The following HLCS variants were observed in gnomAD, a reference collection of about 807,000 sequenced individuals.
HLCS encodes biotin--protein ligase.
HLCS carries 53 observed loss-of-function variants against 75.0 expected under a neutral mutation model. The ratio of observed to expected loss-of-function variants is 0.71; its 90% CI spans 0.57 to 0.89. HLCS has a LOEUF of 0.89. HLCS is among the 40% of genes least tolerant of loss of function. The pLI, the probability that HLCS is intolerant of heterozygous loss-of-function variation, is 0.00. For synonymous variants in HLCS, 431 were observed against 428.6 expected, an observed-to-expected ratio of 1.01 and a Z score of -0.07; for missense variants, 966 against 1,074.0, an observed-to-expected ratio of 0.90 and a Z score of 1.41.
chr21:36,855,504 C>T (rs1265160494), intron 6 of HLCS, among the ~76,000 whole-genome samples: 1 of 146,162 alleles, frequency 6.8e-6, no homozygotes, highest in Non-Finnish European at 1.5e-5. Flanking sequence ...CACCACTGCA[C>T]TCCAGCCTGG....
rs756354473 is a variant in HLCS, at chr21:36,756,689, T to C, written c.2303A>G (p.Asn768Ser). The C allele has an allele frequency of 2.5e-6, 4 of 1,614,176 alleles. No individual in the cohort carries two copies. In the East Asian group the frequency reaches 6.7e-5, roughly 27 times the overall value. The change falls in exon 10 of 11, where the codon AAT (asparagine) becomes AGT (serine). Residue 768 changes from asparagine to serine, a missense_variant. Coordinates refer to ENST00000674895, the MANE Select transcript of HLCS (RefSeq NM_001352514.2). ...ICINDLITEY[N>S]KQHKAELKPL... Reference sequence around the variant, plus strand: ...CTTCAGTTCTGCCTTGTGTTGTTTATTGTATTCTGTGATGAGGTCGTTGAT... The same window carrying C: ...CTTCAGTTCTGCCTTGTGTTGTTTACTGTATTCTGTGATGAGGTCGTTGAT...
At chr21:36,872,133 T>A (rs1005407365) in intron 6 of HLCS, among the ~76,000 whole-genome samples, 1 of 152,094 alleles carries the variant, frequency 6.6e-6, no homozygotes, top group African/African-American at 2.4e-5. Flanking sequence ...CCTTTAATAC[T>A]TCAGCTGGGC....
chr21:36,968,332 C>G (rs762375), upstream of HLCS, among the ~76,000 whole-genome samples: 61,971 of 151,772 alleles, frequency 0.41, 13,341 homozygotes, highest in South Asian at 0.53. Context: ...ATTTGTTCAT[C>G]TGCTTTAATA....
At chr21:36,805,102 T>C (rs1289362594) in intron 6 of HLCS, among the ~76,000 whole-genome samples, 1 of 152,228 alleles carries the variant, frequency 6.6e-6, no homozygotes, top group Non-Finnish European at 1.5e-5. Flanking sequence ...GAGGTCTCAG[T>C]GCATGGCTAG....
intron 6 of HLCS, among the ~76,000 whole-genome samples, chr21:36,887,521 G>A (rs185896866): frequency 2.0e-4 from 31 of 152,232 alleles, no homozygotes; most frequent in Admixed American, 1.0e-3. Context: ...TCAACTTCAG[G>A]AGCTTGGCAT....
chr21:36,909,591 G>A (rs1056306456), intron 5 of HLCS, among the ~76,000 whole-genome samples: 20 of 152,044 alleles, frequency 1.3e-4, no homozygotes, highest in South Asian at 2.1e-4. Flanking sequence ...ACTGTGTCTC[G>A]CCACTTTATT....
intron 1 of HLCS, among the ~76,000 whole-genome samples, chr21:36,962,424 CT>C: frequency 6.6e-6 from 1 of 152,310 alleles, no homozygotes; most frequent in Non-Finnish European, 1.5e-5. Context: ...GCCATGAATT[CT>C]GAAACGGGGC....
chr21:36,871,463 G>T (rs2063766568), intron 6 of HLCS, among the ~76,000 whole-genome samples: 1 of 151,898 alleles, frequency 6.6e-6, no homozygotes, highest in Admixed American at 6.6e-5. Flanking sequence ...AAAACAAAGG[G>T]ACACAGGCAC....
rs116466122 is a variant in HLCS, at chr21:36,767,874, G to A, written c.1893-589C>T. Among the ~76,000 whole-genome samples, 1,389 of 152,210 alleles carry A rather than the reference G, an allele frequency of 9.1e-3. 22 individuals are homozygous for A. The highest frequency in any genetic ancestry group is 0.031 in the African/African-American group (1,298 of 41,518). On this transcript the variant is annotated intron_variant, in intron 6 of 10. Transcript: ENST00000674895. The stretch of plus-strand genomic sequence containing the variant: ...CGCAGGAGAACTCTGCATCGTTTTC[G>A]GCTTCAGTCCTGCTTTTAAAATGGT...
chr21:36,792,424 G>A (rs1311527173), intron 6 of HLCS, among the ~76,000 whole-genome samples: 1 of 135,720 alleles, frequency 7.4e-6, no homozygotes, highest in Non-Finnish European at 1.6e-5. Context: ...TCTTTCCTTC[G>A]ATTTACCCTG....
At chr21:36,754,505 G>T in intron 10 of HLCS, 88 bp from the exon 11 acceptor site, 1 of 1,376,754 alleles carries the variant, frequency 7.3e-7, no homozygotes, top group Non-Finnish European at 1.0e-6. Context: ...TGATGAGAGA[G>T]CTGGGCGTGC....
At chr21:36,891,812 A>T (rs559899507) in intron 6 of HLCS, among the ~76,000 whole-genome samples, 1 of 152,320 alleles carries the variant, frequency 6.6e-6, no homozygotes, top group East Asian at 1.9e-4. Flanking sequence ...AGCAACCAGC[A>T]ATCTAAGTGA....
chr21:36,850,904 G>C (rs2062977963), intron 6 of HLCS, among the ~76,000 whole-genome samples: 1 of 152,202 alleles, frequency 6.6e-6, no homozygotes, highest in African/African-American at 2.4e-5. Flanking sequence ...CAAAGGGAGA[G>C]AGGGAGAGGC....
intron 6 of HLCS, among the ~76,000 whole-genome samples, chr21:36,837,420 T>C (rs1339075867): frequency 6.6e-6 from 1 of 152,180 alleles, no homozygotes; most frequent in East Asian, 1.9e-4. Flanking sequence ...TTTAGACATT[T>C]AAAAATACAG....
intron 6 of HLCS, among the ~76,000 whole-genome samples, chr21:36,775,573 C>T (rs1179487845): frequency 6.6e-6 from 1 of 152,254 alleles, no homozygotes; most frequent in African/African-American, 2.4e-5. Flanking sequence ...GACGGCGAGC[C>T]TTCACTGCGC....
chr21:36,961,981 GT>G (rs1290640383), intron 2 of HLCS, 54 bp downstream of exon 2: 23 of 1,073,228 alleles, frequency 2.1e-5, no homozygotes, highest in Middle Eastern at 2.8e-4. Flanking sequence ...AGCAAATTTG[GT>G]TTTGACTAAG....
At chr21:36,952,731 C>T (rs2067727590) in intron 2 of HLCS, among the ~76,000 whole-genome samples, 1 of 139,024 alleles carries the variant, frequency 7.2e-6, no homozygotes, top group South Asian at 2.2e-4. Flanking sequence ...TCGGAGGTTG[C>T]AGTGAGCTGA....
intron 6 of HLCS, among the ~76,000 whole-genome samples, chr21:36,831,892 G>C (rs1601434884): frequency 1.3e-5 from 2 of 152,224 alleles, no homozygotes; most frequent in East Asian, 3.9e-4. Context: ...AATTTCGCTA[G>C]AAATGCTCCC....
chr21:36,869,657 T>C (rs1050701165), intron 6 of HLCS, among the ~76,000 whole-genome samples: 1 of 152,234 alleles, frequency 6.6e-6, no homozygotes, highest in African/African-American at 2.4e-5. Flanking sequence ...TTGATCATTC[T>C]CATCTTTACC....
Sources: allele counts gnomAD v4.1 joint callset (sites outside exome capture counted in the v4.1 genomes callset), GRCh38; gene constraint gnomAD v4.1.1; transcripts MANE v1.5; gene names NCBI Gene and HGNC (gene_info 2026-07-23, HGNC 2026-07-21).